Variants in RASL12 observed in about 807,000 individuals in gnomAD.
RASL12 encodes the protein ras-like protein family member 12.
RASL12 carries 16 observed loss-of-function variants against 22.9 expected under a neutral mutation model. The observed-to-expected ratio is 0.70, with a 90% CI of 0.47 to 1.06. The LOEUF is 1.06. Among genes scored for constraint, RASL12 ranks in the 50% least tolerant of loss-of-function variants. RASL12 has a pLI of 0.00. For synonymous variants in RASL12, 159 were observed against 152.2 expected, an observed-to-expected ratio of 1.04 and a Z score of -0.33; for missense variants, 306 against 353.1, an observed-to-expected ratio of 0.87 and a Z score of 1.07.
exon 1 of RASL12, chr15:65,076,555 A>G: frequency 2.8e-6 from 2 of 701,776 alleles, no homozygotes; most frequent in Non-Finnish European, 5.2e-6. Context: ...TTCATTCTTG[A>G]AGTCAGACCA....
At chr15:65,076,605 TA>T in exon 1 of RASL12, 1 of 704,606 alleles carries the variant, frequency 1.4e-6, no homozygotes, top group Non-Finnish European at 2.6e-6. Flanking sequence ...CCATTTCTTC[TA>T]AGGATATGAG....
intron 1 of RASL12, among the ~76,000 whole-genome samples, chr15:65,074,374 T>C (rs1209808184): frequency 2.0e-5 from 3 of 150,932 alleles, no homozygotes; most frequent in South Asian, 2.1e-4. Context: ...GGTGTTATTA[T>C]TGGCCCCATT....
the RASL12 span, among the ~76,000 whole-genome samples, chr15:65,047,918 C>T: frequency 1.3e-5 from 2 of 152,154 alleles, no homozygotes; most frequent in African/African-American, 4.8e-5. Flanking sequence ...GTGGCTCAGG[C>T]CTGTATTCCT....
At chr15:65,067,610 C>A in intron 1 of RASL12, 123 bp downstream of exon 1, 1 of 1,183,612 alleles carries the variant, frequency 8.4e-7, no homozygotes, top group Non-Finnish European at 1.1e-6. Context: ...CTTGTGCGAC[C>A]CTCCTGGGTG....
chr15:65,067,197 G>C (rs115946255), intron 1 of RASL12, among the ~76,000 whole-genome samples: 8,364 of 152,086 alleles, frequency 0.055, 769 homozygotes, highest in African/African-American at 0.19. Context: ...CGGGGAGGGG[G>C]TGTGGAGGGG....
intron 2 of RASL12, among the ~76,000 whole-genome samples, chr15:65,062,299 C>A (rs1264740546): frequency 6.6e-6 from 1 of 152,152 alleles, no homozygotes; most frequent in East Asian, 1.9e-4. Flanking sequence ...CAGCCACACC[C>A]CAGAAAACGG....
downstream of RASL12, among the ~76,000 whole-genome samples, chr15:65,052,399 C>CTT (rs34021026): frequency 2.4e-3 from 187 of 76,332 alleles, 1 homozygote; most frequent in African/African-American, 5.7e-3. Flanking sequence ...GCATCCTTGG[C>CTT]TTTTTTTTTT....
At chr15:65,066,900 C>T (rs1461585393) in intron 1 of RASL12, among the ~76,000 whole-genome samples, 2 of 152,188 alleles carry the variant, frequency 1.3e-5, no homozygotes, top group African/African-American at 4.8e-5. Context: ...CAGTGGAGGA[C>T]CCCTTCTGCC....
upstream of RASL12, among the ~76,000 whole-genome samples, chr15:65,071,500 C>T (rs1236884394): frequency 6.6e-6 from 1 of 152,148 alleles, no homozygotes; most frequent in African/African-American, 2.4e-5. Context: ...AAGGGCTGAT[C>T]CTCAGCCCAG....
Position 65,062,030 on chromosome 15 carries a change from G to A in RASL12, c.161-2612C>T, listed in dbSNP as rs541545920. On this transcript the variant is annotated intron_variant, in intron 2 of 4. Transcript: ENST00000220062. ...CGGGAGGTGGAGCTTGCAGTGAGCCGAGATTGCGCCACTGCACTCCAGCCT... is the reference window on the plus strand; with the variant it reads ...CGGGAGGTGGAGCTTGCAGTGAGCCAAGATTGCGCCACTGCACTCCAGCCT... Among the ~76,000 whole-genome samples the A allele has an allele frequency of 6.7e-5, 10 of 149,410 alleles. No homozygotes were observed. In the East Asian group the frequency reaches 1.2e-3, roughly 18 times the overall value.
chr15:65,068,101 G>T, upstream of RASL12: 1 of 1,045,290 alleles, frequency 9.6e-7, no homozygotes, highest in Non-Finnish European at 1.1e-6. This position sits in a 1 kb window ranked among gnomAD's most constrained non-coding sequence, Gnocchi z 4.2. Context: ...GCGCTCAGCC[G>T]GCTCCTGGAG....
chr15:65,061,960 AG>A (rs1264337521), intron 2 of RASL12, among the ~76,000 whole-genome samples: 1 of 151,696 alleles, frequency 6.6e-6, no homozygotes, highest in African/African-American at 2.4e-5. Context: ...AGGCACCTGT[AG>A]TCCCAGCTAC....
At chr15:65,059,306 T>G in intron 3 of RASL12, 39 bp downstream of exon 3, 1 of 1,562,312 alleles carries the variant, frequency 6.4e-7, no homozygotes, top group East Asian at 2.2e-5. Context: ...GAGGCTATAC[T>G]GACTCACAGC....
chr15:65,058,584 A>C lies in RASL12; in HGVS notation c.268T>G (p.Trp90Gly). ...TACACCACCAGGAAGGCATGGGCCC[A>C]GTTCAGGTAGCGCTCGCAGTTCCTG... is the stretch of plus-strand genomic sequence containing the variant. ...TPRNCERYLN[W>G]AHAFLVVYSV... Residue 90 changes from tryptophan (W) to glycine (G), a missense_variant, in exon 4 of 5, where the codon TGG becomes GGG. By Grantham distance (184) the Trp-to-Gly change is radical. Coordinates refer to ENST00000220062, the MANE Select transcript of RASL12 (RefSeq NM_016563.4). 6.3e-7 allele frequency: 1 copy of C among 1,586,844 alleles called. No homozygotes were observed.
the RASL12 span, among the ~76,000 whole-genome samples, chr15:65,045,982 G>A: frequency 2.0e-5 from 3 of 152,068 alleles, no homozygotes; most frequent in Non-Finnish European, 4.4e-5. Flanking sequence ...CCCGGCTAAC[G>A]TGGTGAAACC....
downstream of RASL12, chr15:65,049,070 T>C (rs1344050469): frequency 1.3e-5 from 2 of 150,618 alleles, no homozygotes; most frequent in Non-Finnish European, 3.0e-5. Flanking sequence ...GAATAATATA[T>C]GTTGTCAAAA....
chr15:65,051,457 C>G, downstream of RASL12: 1 of 1,534,160 alleles, frequency 6.5e-7, no homozygotes, highest in Admixed American at 1.7e-5. Flanking sequence ...CAGCTGTTAG[C>G]GGGCTTGAGA....
chr15:65,072,588 G>T (rs2086939452), upstream of RASL12, among the ~76,000 whole-genome samples: 1 of 152,142 alleles, frequency 6.6e-6, no homozygotes, highest in Non-Finnish European at 1.5e-5. Flanking sequence ...CCTCACCTTA[G>T]AATAGGTGGC....
At chr15:65,060,787 C>G (rs2086793660) in intron 2 of RASL12, among the ~76,000 whole-genome samples, 1 of 152,216 alleles carries the variant, frequency 6.6e-6, no homozygotes, top group Admixed American at 6.5e-5. Context: ...AATTTATAGT[C>G]AAACACTTCT....
Sources: allele counts gnomAD v4.1 joint callset (sites outside exome capture counted in the v4.1 genomes callset), GRCh38; gene constraint gnomAD v4.1.1; non-coding constraint Gnocchi (gnomAD v3.1); transcripts MANE v1.5; gene names NCBI Gene and HGNC (gene_info 2026-07-23, HGNC 2026-07-21).